Variants in KIF4A observed in about 807,000 individuals in gnomAD.
KIF4A encodes chromosome-associated kinesin KIF4A.
In KIF4A, 7 loss-of-function variants were observed where a neutral mutation model predicts 105.9. That is an observed-to-expected ratio of 0.07 (90% CI 0.04 to 0.12). The LOEUF (loss-of-function observed/expected upper bound fraction) is 0.12, where lower values mean the gene tolerates loss of function less well. Among genes scored for constraint, KIF4A ranks in the 10% least tolerant of loss-of-function variants. The pLI is 1.00. For synonymous variants in KIF4A, 281 were observed against 331.3 expected (o/e 0.85, Z 1.65); for missense variants, 558 against 929.2 (o/e 0.60, Z 5.19).
intron 13 of KIF4A, among the ~76,000 whole-genome samples, chrX:70,351,949 C>T (rs192092870): frequency 2.7e-5 from 3 of 110,100 alleles, no homozygotes; most frequent in East Asian, 5.7e-4. Context: ...TTAGTAGAGA[C>T]GGGGTTTCAT....
At chrX:70,415,861 CTTTTTTT>C (rs1162374099) in intron 28 of KIF4A, among the ~76,000 whole-genome samples, 14 of 57,418 alleles carry the variant, frequency 2.4e-4, no homozygotes, top group African/African-American at 4.7e-4. Context: ...TGCATTATTT[CTTTTTTT>C]TTTTTTTTTT....
At chrX:70,290,835 A>G (rs775216475) in intron 3 of KIF4A, 30 bp downstream of exon 3, 2 of 986,104 alleles carry the variant, frequency 2.0e-6, no homozygotes, top group Non-Finnish European at 1.4e-6. Context: ...CGAACGTAAC[A>G]TATATATTCC....
chrX:70,400,459 G>GGT (rs745928211), intron 22 of KIF4A, among the ~76,000 whole-genome samples: 2 of 111,555 alleles, frequency 1.8e-5, no homozygotes, highest in East Asian at 5.6e-4. Flanking sequence ...CTCTTAAGGA[G>GGT]GTACCGCTTG....
chrX:70,323,135 C>T (rs2085898188), intron 7 of KIF4A, among the ~76,000 whole-genome samples: 1 of 110,890 alleles, frequency 9.0e-6, no homozygotes, highest in African/African-American at 3.3e-5. Flanking sequence ...GTTCTCTCTG[C>T]GAAATTGCCT....
intron 7 of KIF4A, among the ~76,000 whole-genome samples, chrX:70,308,918 T>C (rs2085838220): frequency 8.9e-6 from 1 of 112,492 alleles, no homozygotes; most frequent in Non-Finnish European, 1.9e-5. Flanking sequence ...CCTGAGATCT[T>C]TTTTGTATCC....
At chrX:70,367,030 T>C (rs975896478) in intron 15 of KIF4A, among the ~76,000 whole-genome samples, 30 of 112,005 alleles carry the variant, frequency 2.7e-4, no homozygotes, top group Non-Finnish European at 4.1e-4. Context: ...CTTTTGATCT[T>C]TGTTGGTTTA....
At chrX:70,345,248 G>A (rs2085987524) in intron 13 of KIF4A, among the ~76,000 whole-genome samples, 1 of 112,073 alleles carries the variant, frequency 8.9e-6, no homozygotes, top group Admixed American at 9.4e-5. Context: ...CGGATCACCT[G>A]AGGTCTGGAG....
chrX:70,339,072 G>A (rs766529576), intron 10 of KIF4A, among the ~76,000 whole-genome samples: 23 of 95,043 alleles, frequency 2.4e-4, no homozygotes, highest in African/African-American at 7.6e-4. Flanking sequence ...GTGACAGAGC[G>A]AGACTCCATC....
intron 1 of KIF4A, 115 bp downstream of exon 1, chrX:70,290,265 G>A (rs2085752587): frequency 2.8e-5 from 13 of 466,134 alleles, no homozygotes; most frequent in Non-Finnish European, 4.1e-5. Context: ...AGAAGCCCGT[G>A]CACTCTCTTT....
At position 70,336,600 on chromosome X, in the gene KIF4A, G is replaced by A. The variant is rs181503700; in HGVS notation, c.1133+2911G>A. 1.1e-4 allele frequency among the ~76,000 whole-genome samples: 12 copies of A among 111,144 alleles called. No homozygotes were observed. The East Asian group carries it at 2.5e-3, about 23-fold the overall frequency. ...AGTGTTGTTTTACTTTGTATTTCTC[G>A]TATTATGGGTGAATTTGAGCATTTT... On this transcript the variant is annotated intron_variant, in intron 10 of 30. Coordinates refer to ENST00000374403, the MANE Select transcript of KIF4A (RefSeq NM_012310.5).
At chrX:70,339,634 T>C (rs1025869821) in intron 10 of KIF4A, among the ~76,000 whole-genome samples, 6 of 113,061 alleles carry the variant, frequency 5.3e-5, no homozygotes, top group Non-Finnish European at 9.4e-5. Flanking sequence ...TTTATATTTT[T>C]AGAGACATTT....
At chrX:70,309,809 C>T (rs1012993361) in intron 7 of KIF4A, among the ~76,000 whole-genome samples, 2 of 112,282 alleles carry the variant, frequency 1.8e-5, no homozygotes, top group African/African-American at 6.5e-5. Context: ...TTGGGGAGGT[C>T]GAGAAGGGCA....
intron 15 of KIF4A, among the ~76,000 whole-genome samples, chrX:70,363,909 T>C (rs922300672): frequency 4.5e-5 from 5 of 111,956 alleles, no homozygotes; most frequent in African/African-American, 1.3e-4. Context: ...ACCTATTGTT[T>C]CCTGACTTTA....
chrX:70,341,160 G>T lies in KIF4A; in HGVS notation c.1134-639G>T, dbSNP rs1342926770. Among the ~76,000 whole-genome samples the T allele has an allele frequency of 2.7e-5, 3 of 111,480 alleles. No individual in the cohort carries two copies. The East Asian group carries it at 8.4e-4, about 31-fold the overall frequency. ...AAAATTAATAGACAAATGAACAAGAGGCTATGGGTCATAAGTTCCAAGCAA... is the reference window on the plus strand; with the variant it reads ...AAAATTAATAGACAAATGAACAAGATGCTATGGGTCATAAGTTCCAAGCAA... On this transcript the variant is annotated intron_variant, in intron 10 of 30. Coordinates refer to ENST00000374403, the MANE Select transcript of KIF4A (RefSeq NM_012310.5).
rs893872655 is a variant in KIF4A at position 70,313,552 on chromosome X, C to A, written c.778+11154C>A. Among the ~76,000 whole-genome samples, 3 of 112,181 alleles carry A rather than the reference C, an allele frequency of 2.7e-5. No homozygotes were observed. In the Admixed American group the frequency reaches 2.8e-4, roughly 11 times the overall value. On this transcript the variant is annotated intron_variant, in intron 7 of 30. Transcript: ENST00000374403. ...CTGCTCCTGTACCACAACCAGATACCTTGACCATTGTCCCAGGGCTTCCTT... is the reference window on the plus strand; with the variant it reads ...CTGCTCCTGTACCACAACCAGATACATTGACCATTGTCCCAGGGCTTCCTT...
At chrX:70,329,671 A>G in intron 8 of KIF4A, 150 bp downstream of exon 8, 2 of 450,662 alleles carry the variant, frequency 4.4e-6, no homozygotes. Flanking sequence ...GTTGGCAAGC[A>G]GGTTTCTAAG....
chrX:70,290,452 T>C lies in KIF4A; in HGVS notation c.-7T>C, dbSNP rs368600050. The C allele has an allele frequency of 9.1e-6, 11 of 1,205,740 alleles. No individual in the cohort carries two copies. The highest frequency in any genetic ancestry group is 1.2e-5 in the Non-Finnish European group (11 of 893,190). ...CCCCCTCGCAGAGACGGTGCTGAGA[T>C]AGGATCATGAAGGAAGAGGTGAAGG... is the stretch of plus-strand genomic sequence containing the variant. On this transcript the variant is annotated 5_prime_UTR_variant, in exon 2 of 31. Coordinates refer to ENST00000374403, the MANE Select transcript of KIF4A (RefSeq NM_012310.5).
At chrX:70,325,574 G>A (rs1239665949) in intron 7 of KIF4A, among the ~76,000 whole-genome samples, 1 of 111,239 alleles carries the variant, frequency 9.0e-6, no homozygotes, top group Non-Finnish European at 1.9e-5. Context: ...CACCATGCCT[G>A]GCCATTATTA....
chrX:70,353,240 T>C (rs2086038208), intron 14 of KIF4A, among the ~76,000 whole-genome samples: 1 of 111,948 alleles, frequency 8.9e-6, no homozygotes, highest in South Asian at 3.7e-4. Flanking sequence ...AGAAGGAAAA[T>C]ACTAGGTCAG....
Sources: gnomAD v4.1 joint callset for allele counts (sites outside exome capture counted in the v4.1 genomes callset) on GRCh38, gnomAD v4.1.1 for gene constraint, MANE v1.5 for transcripts, NCBI Gene and HGNC (gene_info 2026-07-23, HGNC 2026-07-21) for gene names.